The following STAB2 variants were observed in gnomAD, a reference collection of about 807,000 sequenced individuals.
The protein encoded by STAB2 is stabilin-2.
A neutral mutation model predicts 338.1 loss-of-function variants in STAB2; 288 were observed. That is an observed-to-expected ratio of 0.85 (90% CI 0.77 to 0.94). The LOEUF is 0.94. Ranked by LOEUF, STAB2 falls within the 40% of genes least tolerant of loss-of-function variation. The pLI, the probability that STAB2 is intolerant of heterozygous loss-of-function variation, is 0.00. For synonymous variants in STAB2, 1,202 were observed against 1,193.3 expected, an observed-to-expected ratio of 1.01 and a Z score of -0.15; for missense variants, 3,141 against 3,210.1, an observed-to-expected ratio of 0.98 and a Z score of 0.52.
intron 10 of STAB2, among the ~76,000 whole-genome samples, chr12:103,649,874 T>C (rs1330318536): frequency 1.3e-5 from 2 of 152,058 alleles, no homozygotes; most frequent in African/African-American, 2.4e-5. Flanking sequence ...AACATTTCCC[T>C]AGACAGAGTC....
intron 41 of STAB2, among the ~76,000 whole-genome samples, chr12:103,712,928 A>T (rs1880000435): frequency 6.6e-6 from 1 of 152,120 alleles, no homozygotes; most frequent in African/African-American, 2.4e-5. Context: ...TGTAAAGTAA[A>T]CTTAAAACTA....
chr12:103,653,525 A>T (rs374833939), intron 12 of STAB2, among the ~76,000 whole-genome samples: 1 of 149,198 alleles, frequency 6.7e-6, no homozygotes, highest in South Asian at 2.3e-4. Context: ...GTGAAGATGG[A>T]TGATGCATGG....
At chr12:103,719,317 T>C (rs1880572723) in intron 44 of STAB2, among the ~76,000 whole-genome samples, 1 of 152,188 alleles carries the variant, frequency 6.6e-6, no homozygotes, top group African/African-American at 2.4e-5. Context: ...CTAACAGCCA[T>C]ATGAGGTAAG....
chr12:103,637,923 C>T lies in STAB2; in HGVS notation c.710-93C>T, dbSNP rs139500401. On this transcript the variant is annotated intron_variant, in intron 7 of 68. Transcript: ENST00000388887. ...TTTGTCTTTGAAAACTGTGAGTTGC[C>T]TTTGAGGTTTTGATCCACTGTTGCT... 9.1e-6 allele frequency: 12 copies of T among 1,321,708 alleles called. No homozygotes were observed. The East Asian group carries it at 1.9e-4, about 20-fold the overall frequency. The allele number at this position is 1,321,708 out of a possible 1,614,324, so 81.9% of individuals were successfully genotyped here. A position where few individuals can be genotyped will look rare whatever the true frequency, so the allele number is the denominator to read the frequency against.
chr12:103,762,955 A>G (rs1411391208), intron 67 of STAB2, among the ~76,000 whole-genome samples: 1 of 152,146 alleles, frequency 6.6e-6, no homozygotes, highest in Non-Finnish European at 1.5e-5. Flanking sequence ...ATCTTTCCTT[A>G]TGGACTTTGT....
chr12:103,698,266 C>T (rs1270257840), intron 33 of STAB2, among the ~76,000 whole-genome samples: 2 of 152,142 alleles, frequency 1.3e-5, no homozygotes, highest in Non-Finnish European at 2.9e-5. Flanking sequence ...TTGGAGCTGA[C>T]AGGCAATCAC....
chr12:103,620,666 CATAT>C, intron 4 of STAB2, 113 bp downstream of exon 4: 1 of 913,778 alleles, frequency 1.1e-6, no homozygotes, highest in Non-Finnish European at 1.7e-6. Context: ...TGCACACACA[CATAT>C]ACAGCGAAGT....
chr12:103,711,543 G>C, intron 40 of STAB2, 27 bp downstream of exon 40: 1 of 1,613,888 alleles, frequency 6.2e-7, no homozygotes, highest in Non-Finnish European at 8.5e-7. Flanking sequence ...CACCTCTGGG[G>C]ACAGTGTAAA....
rs17034234 is a variant in STAB2 at position 103,622,148 on chromosome 12, G to A, written c.487+37G>A. 11,608 of 1,604,650 alleles carry A rather than the reference G, an allele frequency of 7.2e-3. 706 individuals carry two copies. The African/African-American group carries it at 0.13, about 18-fold the overall frequency. ...TTTTGTGTAATCACCACATTTGTAA[G>A]GGTTGACAGTCCATGAGAAAGATTG... On this transcript the variant is annotated intron_variant, in intron 5 of 68. Coordinates refer to ENST00000388887, the MANE Select transcript of STAB2 (RefSeq NM_017564.10).
chr12:103,730,192 T>C lies in STAB2; in HGVS notation c.5159T>C (p.Ile1720Thr). Reference protein sequence around the residue: ...IISTNGIVHIIDKLLSPKNLL... With the variant: ...IISTNGIVHITDKLLSPKNLL... The stretch of plus-strand genomic sequence containing the variant: ...AGTACTAATGGGATTGTTCATATCA[T>C]AGACAAATTGCTATCTCCCAAAAAT... Residue 1720 changes from isoleucine to threonine, a missense_variant, in exon 49 of 69, where the codon ATA becomes ACA. By Grantham distance (89) the Ile-to-Thr change is moderately conservative (BLOSUM62 -1). Coordinates refer to ENST00000388887, the MANE Select transcript of STAB2 (RefSeq NM_017564.10). The C allele has an allele frequency of 1.2e-6, 2 of 1,613,694 alleles. No homozygotes were observed. The highest frequency in any genetic ancestry group is 1.7e-6 in the Non-Finnish European group (2 of 1,179,798).
chr12:103,762,200 C>T (rs1884586799), intron 66 of STAB2, 74 bp from the exon 67 acceptor site: 20 of 1,584,282 alleles, frequency 1.3e-5, no homozygotes, highest in East Asian at 2.2e-5. Context: ...CAGAATGCCT[C>T]GGGCCACCAA....
chr12:103,720,357 A>G (rs1415018021), intron 44 of STAB2, among the ~76,000 whole-genome samples: 1 of 152,226 alleles, frequency 6.6e-6, no homozygotes, highest in Admixed American at 6.5e-5. Flanking sequence ...TTGTAAAATT[A>G]TAGGCCATCA....
At position 103,753,268 on chromosome 12, in the gene STAB2, A is replaced by G. The variant is rs371165161; in HGVS notation, c.6629A>G (p.Lys2210Arg). The G allele has an allele frequency of 5.3e-5, 85 of 1,614,100 alleles. No individual in the cohort carries two copies. Among genetic ancestry groups the G allele is most frequent in the Non-Finnish European group, 5.9e-6 (7 of 1,180,040 alleles). ...FHLRSPLGQYKLTFDKAREAC... is the reference protein window; with the variant it reads ...FHLRSPLGQYRLTFDKAREAC... ...CTACGCTCCCCACTGGGCCAGTATA[A>G]GCTGACCTTTGACAAAGCCAGAGAG... is the stretch of plus-strand genomic sequence containing the variant. The change falls in exon 61 of 69, where the codon AAG (lysine) becomes AGG (arginine). Residue 2210 changes from lysine (K) to arginine (R), a missense_variant. Transcript: ENST00000388887.
intron 47 of STAB2, 26 bp downstream of exon 47, chr12:103,727,376 G>T (rs547478164): frequency 3.6e-5 from 58 of 1,612,414 alleles, no homozygotes; most frequent in Non-Finnish European, 4.8e-5. Context: ...TGGGCAGAAG[G>T]GGGAGGTCTG....
rs189453513 is a variant in STAB2, at chr12:103,737,684, C to G, written c.5601C>G (p.Leu1867=). 2.4e-4 allele frequency: 387 copies of G among 1,601,274 alleles called. No individual in the cohort carries two copies. The highest frequency in any genetic ancestry group is 4.6e-5 in the Non-Finnish European group (54 of 1,175,140). Residue 1867 remains leucine, a synonymous_variant, in exon 53 of 69, where the codon CTC becomes CTG. Coordinates refer to ENST00000388887, the MANE Select transcript of STAB2 (RefSeq NM_017564.10). ...GQTCRIVQRE[L]LFDLGVAYGI... is the part of the protein sequence containing the mutation. ...CCTGCAGAATTGTGCAGCGGGAGCT[C>G]TTGTTTGACCTGGGTGTGGCCTACG...
At chr12:103,638,364 C>G in intron 8 of STAB2, 152 bp downstream of exon 8, 1 of 821,144 alleles carries the variant, frequency 1.2e-6, no homozygotes, top group Admixed American at 2.9e-5. Context: ...TGCTCAGAGC[C>G]TGAAATCAGT....
intron 6 of STAB2, among the ~76,000 whole-genome samples, chr12:103,636,852 G>A (rs1412757707): frequency 6.6e-6 from 1 of 152,074 alleles, no homozygotes; most frequent in East Asian, 1.9e-4. Context: ...AAATTACATT[G>A]CTAAATATTT....
chr12:103,758,769 G>C (rs533460574), intron 64 of STAB2, among the ~76,000 whole-genome samples: 10 of 152,312 alleles, frequency 6.6e-5, no homozygotes, highest in African/African-American at 2.2e-4. Flanking sequence ...TTCATATCAC[G>C]GCACACAGAG....
intron 34 of STAB2, among the ~76,000 whole-genome samples, chr12:103,702,929 A>G (rs1280559013): frequency 6.6e-6 from 1 of 152,250 alleles, no homozygotes; most frequent in Non-Finnish European, 1.5e-5. Context: ...AGAAGAGGAA[A>G]GCAATTGGCC....
Sources: gnomAD v4.1 joint callset for allele counts (sites outside exome capture counted in the v4.1 genomes callset) on GRCh38, gnomAD v4.1.1 for gene constraint, MANE v1.5 for transcripts, NCBI Gene and HGNC (gene_info 2026-07-23, HGNC 2026-07-21) for gene names.